Variants in DHX57 observed in about 807,000 individuals in gnomAD.
DHX57 encodes the protein DExH-box helicase 57.
Under a neutral mutation model 156.2 loss-of-function variants are expected in DHX57, and 105 were observed. The observed-to-expected ratio is 0.67, with a 90% CI of 0.57 to 0.79. The LOEUF (loss-of-function observed/expected upper bound fraction) is 0.79. Among genes scored for constraint, DHX57 ranks in the 30% least tolerant of loss-of-function variants. DHX57 has a pLI of 0.00. For missense variants in DHX57, 1,847 were observed against 1,661.9 expected (o/e 1.11, Z -1.94); for synonymous variants, 704 against 595.6 (o/e 1.18, Z -2.65).
chr2:38,801,105 A>G (rs1669658490), intron 23 of DHX57, among the ~76,000 whole-genome samples: 2 of 152,228 alleles, frequency 1.3e-5, no homozygotes, highest in Admixed American at 6.5e-5. Context: ...TGTGGGTCAC[A>G]TTATATTTCT....
chr2:38,825,838 A>G lies in DHX57; in HGVS notation c.3014+9T>C, dbSNP rs773436216. 6.2e-7 allele frequency: 1 copy of G among 1,614,114 alleles called. No homozygotes were observed. The highest frequency in any genetic ancestry group is 8.5e-7 in the Non-Finnish European group (1 of 1,179,962). ...TTTTGGAAGCAAAACACAAAAAACCAGATGTCACCTTAGACACAGCTGTTC... is the reference window on the plus strand; with the variant it reads ...TTTTGGAAGCAAAACACAAAAAACCGGATGTCACCTTAGACACAGCTGTTC... On this transcript the variant is annotated intron_variant, in intron 16 of 23. Coordinates refer to ENST00000457308, the MANE Select transcript of DHX57 (RefSeq NM_198963.3).
chr2:38,841,325 G>A (rs1349826502), intron 12 of DHX57, among the ~76,000 whole-genome samples: 1 of 152,196 alleles, frequency 6.6e-6, no homozygotes, highest in Non-Finnish European at 1.5e-5. Flanking sequence ...TAAGGAAACT[G>A]AGGCACAGAG....
rs1166331240 is a variant in DHX57, at chr2:38,848,926, T to C, written c.2031-524A>G. On this transcript the variant is annotated intron_variant, in intron 9 of 23. Coordinates refer to ENST00000457308, the MANE Select transcript of DHX57 (RefSeq NM_198963.3). Reference sequence around the variant, plus strand: ...TTGGATTAGGGATGCTCAACCTGTATAAAGATATAAATTCTTTCCCAAAGA... The same window carrying C: ...TTGGATTAGGGATGCTCAACCTGTACAAAGATATAAATTCTTTCCCAAAGA... Among the ~76,000 whole-genome samples, 5 of 152,210 alleles carry C rather than the reference T, an allele frequency of 3.3e-5. No homozygotes were observed. The East Asian group carries it at 9.6e-4, about 29-fold the overall frequency.
chr2:38,868,381 C>T lies in DHX57; in HGVS notation c.25G>A (p.Gly9Ser). Residue 9 changes from glycine (G) to serine (S), a missense_variant, in exon 2 of 24, where the codon GGC becomes AGC. By Grantham distance (56) the Gly-to-Ser change is moderately conservative. Transcript: ENST00000457308. Reference sequence around the variant, plus strand: ...TTTCCACCTCCTTTGCCTGGCTTGCCTTTTCTTCTTACTGAAGAACTCATT... The same window carrying T: ...TTTCCACCTCCTTTGCCTGGCTTGCTTTTTCTTCTTACTGAAGAACTCATT... The part of the protein sequence containing the change: MSSSVRRK[G>S]KPGKGGGKGS... The T allele has an allele frequency of 1.2e-6, 2 of 1,613,370 alleles. No homozygotes were observed. Among genetic ancestry groups the T allele is most frequent in the Non-Finnish European group, 1.7e-6 (2 of 1,180,022 alleles).
intron 1 of DHX57, among the ~76,000 whole-genome samples, chr2:38,869,795 T>C (rs1319541535): frequency 6.6e-6 from 1 of 152,086 alleles, no homozygotes; most frequent in Non-Finnish European, 1.5e-5. Flanking sequence ...TCACAAGGCA[T>C]GCAAAGAAAC....
At chr2:38,835,345 G>A (rs1397228996) in intron 13 of DHX57, among the ~76,000 whole-genome samples, 1 of 152,182 alleles carries the variant, frequency 6.6e-6, no homozygotes, top group African/African-American at 2.4e-5. Flanking sequence ...TGTCTATAAA[G>A]TTAACCCCTG....
chr2:38,856,231 A>G, intron 7 of DHX57, 109 bp downstream of exon 7: 2 of 1,456,114 alleles, frequency 1.4e-6, no homozygotes, highest in Non-Finnish European at 9.1e-7. Flanking sequence ...GATGTATATA[A>G]TATCTATAAA....
At chr2:38,810,960 C>T in intron 21 of DHX57, 1 of 840,336 alleles carries the variant, frequency 1.2e-6, no homozygotes, top group East Asian at 2.7e-5. Context: ...TGGTGCCATC[C>T]TTGATGCTGG....
intron 2 of DHX57, among the ~76,000 whole-genome samples, chr2:38,865,007 T>C (rs2124940399): frequency 1.3e-5 from 2 of 152,310 alleles, no homozygotes; most frequent in East Asian, 1.9e-4. Flanking sequence ...TCTTATTGGC[T>C]ACTCTCCTTT....
rs1237627961 is a variant in DHX57, at chr2:38,858,540, C to T, written c.1587+121G>A. 3 of 1,337,692 alleles carry T rather than the reference C, an allele frequency of 2.2e-6. No individual in the cohort carries two copies. In the East Asian group the frequency reaches 7.2e-5, roughly 32 times the overall value. 82.9% of individuals were successfully genotyped at this position (1,337,692 alleles called of 1,614,324 possible). A position where few individuals can be genotyped will look rare whatever the true frequency, so the allele number is the denominator to read the frequency against. ...TTGCTGTGGCCTGTAGAAACTTTGA[C>T]CACTCAGGGAGAAAAAGAACCAGAA... On this transcript the variant is annotated intron_variant, in intron 6 of 23. Transcript: ENST00000457308.
At chr2:38,807,673 G>A (rs1670023560) in intron 21 of DHX57, among the ~76,000 whole-genome samples, 1 of 143,800 alleles carries the variant, frequency 7.0e-6, no homozygotes. Flanking sequence ...TTGAGACGGA[G>A]TTTCGCTCTT....
intron 17 of DHX57, among the ~76,000 whole-genome samples, chr2:38,821,244 A>C (rs1670799279): frequency 6.6e-6 from 1 of 152,148 alleles, no homozygotes; most frequent in African/African-American, 2.4e-5. Context: ...AGAGCTATAC[A>C]TGCTTATATA....
intron 1 of DHX57, among the ~76,000 whole-genome samples, chr2:38,874,854 C>T (rs1303392556): frequency 6.6e-6 from 1 of 152,092 alleles, no homozygotes; most frequent in Non-Finnish European, 1.5e-5. Flanking sequence ...AGAAAAATAA[C>T]AGGTCAAACT....
intron 20 of DHX57, among the ~76,000 whole-genome samples, chr2:38,814,785 C>T (rs1337152632): frequency 4.0e-5 from 6 of 151,886 alleles, no homozygotes; most frequent in African/African-American, 9.7e-5. Context: ...TGCAATGGCG[C>T]GATCTCGGCT....
chr2:38,799,368 A>G (rs1455534283), intron 23 of DHX57, among the ~76,000 whole-genome samples: 1 of 150,794 alleles, frequency 6.6e-6, no homozygotes, highest in Non-Finnish European at 1.5e-5. Flanking sequence ...CTCCGTTTCA[A>G]AAAAAAGAAA....
At chr2:38,874,486 T>G (rs1665509125) in intron 1 of DHX57, among the ~76,000 whole-genome samples, 1 of 139,452 alleles carries the variant, frequency 7.2e-6, no homozygotes, top group Non-Finnish European at 1.5e-5. Flanking sequence ...CTCAGCTCAC[T>G]GCAACCTCCA....
intron 12 of DHX57, among the ~76,000 whole-genome samples, chr2:38,839,557 C>CAA (rs10708087): frequency 1.4e-5 from 2 of 141,006 alleles, no homozygotes; most frequent in African/African-American, 5.2e-5. Flanking sequence ...ACTAAAAATA[C>CAA]AAAAAAAAAA....
chr2:38,828,815 T>C (rs1450440667), intron 13 of DHX57, among the ~76,000 whole-genome samples: 2 of 152,224 alleles, frequency 1.3e-5, no homozygotes, highest in Non-Finnish European at 2.9e-5. Context: ...ACATGTTTTA[T>C]ATATTCTCTG....
Position 38,875,914 on chromosome 2 carries a change from G to T in DHX57, c.-134C>A, listed in dbSNP as rs1024302222. The T allele has an allele frequency of 6.6e-5, 26 of 396,608 alleles. No individual in the cohort carries two copies. Among genetic ancestry groups the T allele is most frequent in the South Asian group, 1.4e-4 (1 of 7,076 alleles). The allele number at this position is 396,608 out of a possible 1,614,324, so 24.6% of individuals were successfully genotyped here. A position where few individuals can be genotyped will look rare whatever the true frequency, so the allele number is the denominator to read the frequency against. On this transcript the variant is annotated 5_prime_UTR_variant, in exon 1 of 24. Transcript: ENST00000457308. The stretch of plus-strand genomic sequence containing the variant: ...AGCCCTGCGGTGGCCCAGCTGCAGC[G>T]GCACAGTCCCGGCGCCTTCTGATTG...
Sources: allele counts gnomAD v4.1 joint callset (sites outside exome capture counted in the v4.1 genomes callset), GRCh38; gene constraint gnomAD v4.1.1; transcripts MANE v1.5; gene names NCBI Gene and HGNC (gene_info 2026-07-23, HGNC 2026-07-21).